Variants in GPN2 observed in about 807,000 individuals in gnomAD.
The protein encoded by GPN2 is GPN-loop GTPase 2.
In GPN2, 27 loss-of-function variants were observed where a neutral mutation model predicts 30.1. That is an observed-to-expected ratio of 0.90 (90% CI 0.66 to 1.24). The LOEUF is 1.24. GPN2 is among the 50% of genes most tolerant of loss of function. The probability of loss-of-function intolerance (pLI) is 0.00; values close to 1 mark genes in which losing one functional copy is unlikely to be tolerated. For missense variants in GPN2, 406 were observed against 405.4 expected, an observed-to-expected ratio of 1.00 and a Z score of -0.01; for synonymous variants, 212 against 174.4, an observed-to-expected ratio of 1.22 and a Z score of -1.70.
At chr1:26,882,517 C>T (rs773194435) in intron 4 of GPN2, among the ~76,000 whole-genome samples, 15 of 152,122 alleles carry the variant, frequency 9.9e-5, no homozygotes, top group African/African-American at 2.9e-4. Context: ...CCTCCAACCC[C>T]GACCCCATGA....
Position 26,889,995 on chromosome 1 carries a change from G to A in GPN2, c.102C>T (p.Arg34=), listed in dbSNP as rs1289939565. ...CCACCGCCACGCGCCGGCCCAGCGCGCGCAGGAACTCACTCATGCCCAGGC... is the reference window on the plus strand; with the variant it reads ...CCACCGCCACGCGCCGGCCCAGCGCACGCAGGAACTCACTCATGCCCAGGC... ...TYCLGMSEFL[R]ALGRRVAVVN... Residue 34 remains arginine (R), a synonymous_variant, in exon 1 of 5, where the codon CGC becomes CGT. Coordinates refer to ENST00000374135, the MANE Select transcript of GPN2 (RefSeq NM_018066.4). 1.2e-6 allele frequency: 2 copies of A among 1,601,384 alleles called. No homozygotes were observed. The highest frequency in any genetic ancestry group is 8.5e-7 in the Non-Finnish European group (1 of 1,179,230).
Position 26,884,056 on chromosome 1 carries a change from A to G in GPN2, c.860+104T>C, listed in dbSNP as rs1292381778. The G allele has an allele frequency of 2.3e-5, 22 of 937,078 alleles. No homozygotes were observed. The East Asian group carries it at 4.9e-4, about 21-fold the overall frequency. 58.0% of individuals were successfully genotyped at this position (937,078 alleles called of 1,614,324 possible). ...CTCCATCTCAAAAAAAAAAAAAAAAAAAGAAATTGGTCATCCACAAGGTTG... is the reference window on the plus strand; with the variant it reads ...CTCCATCTCAAAAAAAAAAAAAAAAGAAGAAATTGGTCATCCACAAGGTTG... On this transcript the variant is annotated intron_variant, in intron 4 of 4. Transcript: ENST00000374135.
intron 3 of GPN2, 103 bp downstream of exon 3, chr1:26,885,870 C>T (rs748865377): frequency 1.3e-5 from 12 of 918,906 alleles, no homozygotes; most frequent in African/African-American, 8.3e-5. Flanking sequence ...TGAGCAACCG[C>T]GCCCAGCCGG....
intron 4 of GPN2, among the ~76,000 whole-genome samples, chr1:26,882,217 C>CA (rs1159136555): frequency 0.057 from 3,101 of 54,248 alleles, 115 homozygotes; most frequent in African/African-American, 0.14. Flanking sequence ...CGGTCCGTCT[C>CA]AAAAAAAAAA....
Position 26,889,985 on chromosome 1 carries a change from G to C in GPN2, c.112C>G (p.Arg38Gly), listed in dbSNP as rs764964079. The C allele has an allele frequency of 1.2e-6, 2 of 1,602,362 alleles. No individual in the cohort carries two copies. Among genetic ancestry groups the C allele is most frequent in the Non-Finnish European group, 1.7e-6 (2 of 1,179,146 alleles). ...GMSEFLRALG[R>G]RVAVVNLDPA... ...TCCAGGTTCACCACCGCCACGCGCC[G>C]GCCCAGCGCGCGCAGGAACTCACTC... Residue 38 changes from arginine (R) to glycine (G), a missense_variant, in exon 1 of 5, where the codon CGG (arginine) becomes GGG (glycine). Arg to Gly is a moderately radical substitution (Grantham distance 125). Transcript: ENST00000374135.
At chr1:26,886,623 C>T (rs2081892510) in intron 2 of GPN2, 1 of 358,086 alleles carries the variant, frequency 2.8e-6, no homozygotes, top group East Asian at 7.8e-5. Flanking sequence ...TCGAGACCAT[C>T]CTGGCTAACA....
rs577009009 is a variant in GPN2, at chr1:26,886,424, G to A, written c.569-291C>T. ...CAATAACTGCAAACAGGCTGGGCAC[G>A]GTGGCTCATGCCTGTAATCCCAGCA... is the stretch of plus-strand genomic sequence containing the variant. On this transcript the variant is annotated intron_variant, in intron 2 of 4. Coordinates refer to ENST00000374135, the MANE Select transcript of GPN2 (RefSeq NM_018066.4). 157 of 484,554 alleles carry A rather than the reference G, an allele frequency of 3.2e-4. 3 individuals are homozygous for A. The highest frequency in any genetic ancestry group is 2.3e-3 in the South Asian group (150 of 64,662). 30.0% of individuals were successfully genotyped at this position (484,554 alleles called of 1,614,324 possible).
At chr1:26,884,432 G>C (rs1169922085) in intron 3 of GPN2, 142 bp from the exon 4 acceptor site, 1 of 746,344 alleles carries the variant, frequency 1.3e-6, no homozygotes, top group East Asian at 2.8e-5. Context: ...GTCCCCAAAG[G>C]CTGGATAAAT....
intron 4 of GPN2, among the ~76,000 whole-genome samples, chr1:26,882,791 A>G (rs1161635736): frequency 6.6e-6 from 1 of 152,190 alleles, no homozygotes; most frequent in Non-Finnish European, 1.5e-5. Flanking sequence ...TGCCTCTTGG[A>G]CAGCTCTGGA....
At chr1:26,886,772 C>T (rs1330009993) in intron 2 of GPN2, among the ~76,000 whole-genome samples, 5 of 150,072 alleles carry the variant, frequency 3.3e-5, no homozygotes, top group African/African-American at 1.2e-4. Flanking sequence ...GAGCCGAGAT[C>T]GCGCCACTGC....
intron 2 of GPN2, among the ~76,000 whole-genome samples, chr1:26,887,861 T>TA (rs1364777087): frequency 1.5e-5 from 2 of 136,230 alleles, no homozygotes; most frequent in African/African-American, 5.6e-5. Context: ...GCGCCTGGCC[T>TA]AATTTTTTTT....
rs1397386368 is a variant in GPN2, at chr1:26,877,684, A to G, written c.*1993T>C. On this transcript the variant is annotated 3_prime_UTR_variant, in exon 5 of 5. Coordinates refer to ENST00000374135, the MANE Select transcript of GPN2 (RefSeq NM_018066.4). ...AATTCTCCCCATCCTGTCTATCTCT[A>G]ATGAGGATTGTGTGTGTGGAAGCAC... 6.6e-6 allele frequency: 1 copy of G among 152,138 alleles called. No individual in the cohort carries two copies. Among genetic ancestry groups the G allele is most frequent in the African/African-American group, 2.4e-5 (1 of 41,384 alleles). 9.4% of individuals were successfully genotyped at this position (152,138 alleles called of 1,614,324 possible).
chr1:26,890,103 C>T lies in GPN2; in HGVS notation c.-7G>A, dbSNP rs1400504828. The T allele has an allele frequency of 3.3e-6, 5 of 1,513,902 alleles. No homozygotes were observed. The highest frequency in any genetic ancestry group is 4.4e-6 in the Non-Finnish European group (5 of 1,138,374). The allele number at this position is 1,513,902 out of a possible 1,614,324, so 93.8% of individuals were successfully genotyped here. ...TCGGAGCGGCCCCTGCCATTGGCGG[C>T]CCGCGGCCCGGAGCAGGTCAACTCA... On this transcript the variant is annotated 5_prime_UTR_variant, in exon 1 of 5. Transcript: ENST00000374135.
intron 4 of GPN2, among the ~76,000 whole-genome samples, 166 bp downstream of exon 4, chr1:26,883,994 C>T (rs545041787): frequency 2.0e-5 from 3 of 147,310 alleles, no homozygotes; most frequent in Non-Finnish European, 3.0e-5. Flanking sequence ...GAGCTGAGAT[C>T]GTGCCACTGC....
chr1:26,886,072 A>C lies in GPN2; in HGVS notation c.630T>G (p.Ala210=). 1.1e-5 allele frequency: 18 copies of C among 1,613,536 alleles called. No homozygotes were observed. Among genetic ancestry groups the C allele is most frequent in the Non-Finnish European group, 1.5e-5 (18 of 1,179,464 alleles). Residue 210 remains alanine, a synonymous_variant, in exon 3 of 5, where the codon GCT becomes GCG. Coordinates refer to ENST00000374135, the MANE Select transcript of GPN2 (RefSeq NM_018066.4). ...GGTAGTGGCGGAAGAAAGGGTCAGA[A>C]GCCAGGTGGTCAAGCAGGTAGGAGA... ...LDLSYLLDHL[A]SDPFFRHYRQ...
At chr1:26,885,037 A>AT (rs2081883578) in intron 3 of GPN2, among the ~76,000 whole-genome samples, 1 of 152,246 alleles carries the variant, frequency 6.6e-6, no homozygotes, top group Non-Finnish European at 1.5e-5. Context: ...ACATACAGTG[A>AT]TAAGAACAGT....
chr1:26,880,598 A>G (rs1012360694), intron 4 of GPN2, among the ~76,000 whole-genome samples: 2 of 152,150 alleles, frequency 1.3e-5, no homozygotes, highest in Non-Finnish European at 2.9e-5. Flanking sequence ...GGCGTAAGCC[A>G]CCACGCCTGG....
chr1:26,880,728 A>G (rs920508750), intron 4 of GPN2, among the ~76,000 whole-genome samples: 1 of 152,210 alleles, frequency 6.6e-6, no homozygotes, highest in African/African-American at 2.4e-5. Context: ...TAACTCCCAA[A>G]GTGTTGGAAT....
At chr1:26,884,015 G>C (rs2081877580) in intron 4 of GPN2, 145 bp downstream of exon 4, 3 of 614,944 alleles carry the variant, frequency 4.9e-6, no homozygotes, top group Non-Finnish European at 2.7e-6. Context: ...ACTCCAGCCT[G>C]GGCGACAGAG....
Sources: allele counts gnomAD v4.1 joint callset (sites outside exome capture counted in the v4.1 genomes callset), GRCh38; gene constraint gnomAD v4.1.1; transcripts MANE v1.5; gene names NCBI Gene and HGNC (gene_info 2026-07-23, HGNC 2026-07-21).